Variants in PLCL2 observed in about 807,000 individuals in gnomAD.
PLCL2 encodes the protein inactive phospholipase C-like protein 2.
Under a neutral mutation model 79.6 loss-of-function variants are expected in PLCL2, and 4 were observed. The ratio of observed to expected loss-of-function variants is 0.05; its 90% CI spans 0.02 to 0.11. The LOEUF is 0.11. PLCL2 is among the 10% of genes least tolerant of loss of function. PLCL2 has a pLI of 1.00. For missense variants in PLCL2, 895 were observed against 1,291.0 expected (o/e 0.69, Z 4.70); for synonymous variants, 484 against 457.7 (o/e 1.06, Z -0.73).
At chr3:17,031,931 T>A (rs1304966329) in intron 3 of PLCL2, among the ~76,000 whole-genome samples, 4 of 96,312 alleles carry the variant, frequency 4.2e-5, no homozygotes, top group South Asian at 6.1e-4. Context: ...ATTTTCACCT[T>A]TTTTTTTTTT....
intron 1 of PLCL2, among the ~76,000 whole-genome samples, chr3:16,984,114 A>G (rs4416363): frequency 0.38 from 57,152 of 151,688 alleles, 11,218 homozygotes; most frequent in East Asian, 0.55. Flanking sequence ...CGTGGAGGGT[A>G]TTTCTTTACT....
intron 1 of PLCL2, among the ~76,000 whole-genome samples, chr3:16,920,035 G>A (rs116272954): frequency 0.028 from 4,194 of 152,168 alleles, 106 homozygotes; most frequent in Non-Finnish European, 0.041. Context: ...TTTCCTGACT[G>A]CCTCTGAGAG....
In PLCL2 at chr3:17,009,714, C is replaced by T. The variant is rs868479386; in HGVS notation, c.368C>T (p.Ser123Leu). 1.2e-6 allele frequency: 2 copies of T among 1,608,758 alleles called. No homozygotes were observed. Among genetic ancestry groups the T allele is most frequent in the Non-Finnish European group, 8.5e-7 (1 of 1,175,398 alleles). The change falls in exon 2 of 6, where the codon TCA (serine) becomes TTA (leucine). Residue 123 changes from serine (S) to leucine (L), a missense_variant. By Grantham distance (145) the Ser-to-Leu change is moderately radical. Around this residue, in one of 6 missense-constraint regions of PLCL2, gnomAD observed 129 missense variants for 208.8 expected, o/e 0.62. Coordinates refer to ENST00000615277, the MANE Select transcript of PLCL2 (RefSeq NM_001144382.2). This position sits in a 1 kb window ranked among gnomAD's most constrained non-coding sequence, Gnocchi z 4.0. The stretch of plus-strand genomic sequence containing the variant: ...AAGAGGGAACGGAAAAAGACAGTCT[C>T]ATTCAGCAGCATGCCAACAGAGAAG... ...KQKRERKKTV[S>L]FSSMPTEKKI...
intron 1 of PLCL2, among the ~76,000 whole-genome samples, chr3:16,951,297 G>C (rs1228564576): frequency 2.0e-5 from 3 of 151,164 alleles, no homozygotes; most frequent in Non-Finnish European, 3.0e-5. Context: ...GTTAATTTTG[G>C]TAATTATATC....
intron 1 of PLCL2, among the ~76,000 whole-genome samples, chr3:16,987,892 T>C (rs989017098): frequency 2.6e-5 from 4 of 152,204 alleles, no homozygotes; most frequent in Non-Finnish European, 4.4e-5. Context: ...AAAGTAAATG[T>C]AATAATTTAA....
chr3:17,081,109 G>A (rs1003803425), intron 5 of PLCL2: 1 of 452,968 alleles, frequency 2.2e-6, no homozygotes, highest in Non-Finnish European at 4.4e-6. Context: ...CACTTCCCTT[G>A]CATCCCCTCT....
chr3:17,022,855 A>G (rs1185724065), intron 3 of PLCL2, among the ~76,000 whole-genome samples: 3 of 152,196 alleles, frequency 2.0e-5, no homozygotes, highest in African/African-American at 4.8e-5. Flanking sequence ...TGAGGGAGGT[A>G]GATGTCCCTG....
intron 4 of PLCL2, among the ~76,000 whole-genome samples, chr3:17,044,512 A>G (rs2064761217): frequency 6.6e-6 from 1 of 152,118 alleles, no homozygotes; most frequent in Non-Finnish European, 1.5e-5. Context: ...TTCTTCAGTT[A>G]TTGTGTATTT....
chr3:16,988,552 A>T (rs763419411), intron 1 of PLCL2, among the ~76,000 whole-genome samples: 1 of 152,088 alleles, frequency 6.6e-6, no homozygotes. Flanking sequence ...GGACAGTGGC[A>T]TCGGTTGTCA....
intron 1 of PLCL2, among the ~76,000 whole-genome samples, chr3:17,000,591 C>T (rs2064198958): frequency 1.3e-5 from 2 of 152,112 alleles, no homozygotes; most frequent in East Asian, 3.9e-4. Flanking sequence ...CCCCTCCTTC[C>T]TGCCCTTCCC....
chr3:17,017,995 G>A (rs1250985165), intron 3 of PLCL2, among the ~76,000 whole-genome samples: 1 of 152,116 alleles, frequency 6.6e-6, no homozygotes, highest in African/African-American at 2.4e-5. Context: ...CTGTGGTGGG[G>A]TGAGCCTGGG....
At chr3:16,952,478 G>C (rs970737870) in intron 1 of PLCL2, among the ~76,000 whole-genome samples, 1 of 144,816 alleles carries the variant, frequency 6.9e-6, no homozygotes, top group South Asian at 2.3e-4. Flanking sequence ...TGCATTATTT[G>C]TAATAGTGAA....
At chr3:16,915,658 C>G (rs1696976567) in intron 1 of PLCL2, among the ~76,000 whole-genome samples, 2 of 152,134 alleles carry the variant, frequency 1.3e-5, no homozygotes, top group South Asian at 4.1e-4. Flanking sequence ...GAAACTACTT[C>G]TCATTGATTT....
intron 1 of PLCL2, among the ~76,000 whole-genome samples, chr3:16,942,601 A>G (rs931974608): frequency 1.3e-5 from 2 of 152,076 alleles, no homozygotes; most frequent in African/African-American, 4.8e-5. Context: ...TGACTCTATC[A>G]CGCTTGCCAC....
intron 1 of PLCL2, among the ~76,000 whole-genome samples, chr3:16,918,999 T>G (rs1025001855): frequency 1.3e-5 from 2 of 152,158 alleles, no homozygotes; most frequent in South Asian, 2.1e-4. Context: ...ATAAATTATT[T>G]AAAAATATAT....
intron 1 of PLCL2, among the ~76,000 whole-genome samples, chr3:16,963,065 A>AT (rs2063771223): frequency 6.6e-6 from 1 of 152,124 alleles, no homozygotes; most frequent in Non-Finnish European, 1.5e-5. Context: ...AGCAGTAAGG[A>AT]ATAGTTTGGA....
chr3:16,957,329 T>C (rs1204993707), intron 1 of PLCL2, among the ~76,000 whole-genome samples: 1 of 152,246 alleles, frequency 6.6e-6, no homozygotes, highest in Non-Finnish European at 1.5e-5. Flanking sequence ...TTCCATGTAG[T>C]TGAGCGGTTT....
At chr3:17,054,597 T>A (rs1022556103) in intron 4 of PLCL2, among the ~76,000 whole-genome samples, 4 of 151,586 alleles carry the variant, frequency 2.6e-5, no homozygotes, top group African/African-American at 9.7e-5. Context: ...AGTGGGGAGG[T>A]GCCATACATT....
chr3:16,997,562 A>T (rs550256745), intron 1 of PLCL2, among the ~76,000 whole-genome samples: 172 of 134,568 alleles, frequency 1.3e-3, no homozygotes, highest in African/African-American at 4.4e-3. Flanking sequence ...ATGGAGTCTC[A>T]CTCTGTTGTC....
Sources: gnomAD v4.1 joint callset for allele counts (sites outside exome capture counted in the v4.1 genomes callset) on GRCh38, gnomAD v4.1.1 for gene constraint, gnomAD v4.1.1 regional missense constraint, Gnocchi (gnomAD v3.1) non-coding constraint, MANE v1.5 for transcripts, NCBI Gene and HGNC (gene_info 2026-07-23, HGNC 2026-07-21) for gene names.